The following NTN4 variants were observed in gnomAD, a reference collection of about 807,000 sequenced individuals.
The protein encoded by NTN4 is netrin 4.
In NTN4, 32 loss-of-function variants were observed where a neutral mutation model predicts 73.6. The ratio of observed to expected loss-of-function variants is 0.44; its 90% CI spans 0.33 to 0.58. The LOEUF (loss-of-function observed/expected upper bound fraction) is 0.58. Ranked by LOEUF, NTN4 falls within the 20% of genes least tolerant of loss-of-function variation. The pLI, the probability that NTN4 is intolerant of heterozygous loss-of-function variation, is 0.04. For missense variants in NTN4, 654 were observed against 798.3 expected, an observed-to-expected ratio of 0.82 and a Z score of 2.18; for synonymous variants, 258 against 287.5, an observed-to-expected ratio of 0.90 and a Z score of 1.04.
intron 2 of NTN4, among the ~76,000 whole-genome samples, chr12:95,747,828 A>G (rs539115123): frequency 3.1e-4 from 47 of 152,302 alleles, no homozygotes; most frequent in Middle Eastern, 3.4e-3. Flanking sequence ...CAAAAATTCT[A>G]GGTACATATT....
At position 95,681,121 on chromosome 12, in the gene NTN4, G is replaced by A. The variant is rs528663174; in HGVS notation, c.1510+1586C>T. The stretch of plus-strand genomic sequence containing the variant: ...GGAGAATTGCTTGAACCTGGAAGGC[G>A]GAGGTTGCAGTGAGCCAAGATTGTG... On this transcript the variant is annotated intron_variant, in intron 7 of 9. Coordinates refer to ENST00000343702, the MANE Select transcript of NTN4 (RefSeq NM_021229.4). 5.7e-4 allele frequency among the ~76,000 whole-genome samples: 86 copies of A among 151,200 alleles called. 1 individual carries two copies. The South Asian group carries it at 0.016, about 28-fold the overall frequency.
chr12:95,702,040 G>A (rs1031017745), intron 5 of NTN4, among the ~76,000 whole-genome samples: 2 of 152,106 alleles, frequency 1.3e-5, no homozygotes, highest in African/African-American at 4.8e-5. Flanking sequence ...AGCACTTTGG[G>A]AGGCCGAGGA....
chr12:95,666,872 C>T (rs2078184481), intron 8 of NTN4, among the ~76,000 whole-genome samples: 1 of 152,352 alleles, frequency 6.6e-6, no homozygotes, highest in African/African-American at 2.4e-5. Context: ...AACCTCTTGA[C>T]TTCCCTGGGC....
intron 5 of NTN4, among the ~76,000 whole-genome samples, chr12:95,700,714 A>G (rs917631397): frequency 6.6e-6 from 1 of 151,182 alleles, no homozygotes; most frequent in Admixed American, 6.6e-5. Flanking sequence ...CCCACCACGA[A>G]CCCTGCCGCA....
chr12:95,711,691 C>T (rs1046789490), intron 4 of NTN4, among the ~76,000 whole-genome samples: 1 of 152,172 alleles, frequency 6.6e-6, no homozygotes, highest in South Asian at 2.1e-4. Context: ...TATAACAATT[C>T]TTCAAAGGCA....
intron 2 of NTN4, among the ~76,000 whole-genome samples, chr12:95,748,637 A>C (rs1241732470): frequency 6.6e-6 from 1 of 151,952 alleles, no homozygotes; most frequent in African/African-American, 2.4e-5. Context: ...TGCCCAGCTA[A>C]GTTTTGTATT....
chr12:95,729,688 G>A (rs984149185), intron 3 of NTN4, among the ~76,000 whole-genome samples: 5 of 149,070 alleles, frequency 3.4e-5, no homozygotes, highest in African/African-American at 4.9e-5. Context: ...TTAACCTTAC[G>A]TGTCTTGTCA....
intron 7 of NTN4, among the ~76,000 whole-genome samples, chr12:95,677,844 C>T (rs1011408398): frequency 6.6e-6 from 1 of 152,138 alleles, no homozygotes; most frequent in African/African-American, 2.4e-5. Flanking sequence ...GGGTATACAC[C>T]CAAAGGATTC....
At chr12:95,719,762 A>C (rs2078633006) in intron 3 of NTN4, among the ~76,000 whole-genome samples, 1 of 152,176 alleles carries the variant, frequency 6.6e-6, no homozygotes, top group Admixed American at 6.5e-5. Context: ...AAGAAGTAGA[A>C]GTTCTATGGT....
chr12:95,693,179 A>G (rs1411587756), intron 5 of NTN4, among the ~76,000 whole-genome samples: 1 of 152,192 alleles, frequency 6.6e-6, no homozygotes, highest in East Asian at 1.9e-4. Flanking sequence ...CTCTTGAGTG[A>G]GGGAAGAGAG....
intron 8 of NTN4, 123 bp from the exon 9 acceptor site, chr12:95,666,103 G>T: frequency 1.3e-6 from 1 of 763,318 alleles, no homozygotes. Flanking sequence ...GTGAAAATTT[G>T]CTTTAAAAAT....
At chr12:95,745,579 T>C (rs996106725) in intron 2 of NTN4, among the ~76,000 whole-genome samples, 1 of 152,238 alleles carries the variant, frequency 6.6e-6, no homozygotes. Context: ...AATACAGTGA[T>C]AATAACTGTT....
chr12:95,756,999 A>C (rs1183794137), intron 2 of NTN4, among the ~76,000 whole-genome samples: 1 of 152,134 alleles, frequency 6.6e-6, no homozygotes, highest in Non-Finnish European at 1.5e-5. Context: ...TCTATGTGCT[A>C]CTTCAAGCAC....
chr12:95,679,439 G>A (rs1219234670), intron 7 of NTN4, among the ~76,000 whole-genome samples: 2 of 152,046 alleles, frequency 1.3e-5, no homozygotes, highest in Admixed American at 6.6e-5. Context: ...CGCCATTATC[G>A]ATAACTGCTA....
At chr12:95,710,101 CTACCTTCTACTCACAAGTAGTCT>C (rs1157892726) in intron 5 of NTN4, among the ~76,000 whole-genome samples, 1 of 152,134 alleles carries the variant, frequency 6.6e-6, no homozygotes, top group Non-Finnish European at 1.5e-5. Context: ...CATTTATTGT[CTACCTTCTACTCACAAGTAGTCT>C]TAAGATCTTA....
chr12:95,730,521 C>T (rs778881012), intron 3 of NTN4, among the ~76,000 whole-genome samples: 1 of 152,152 alleles, frequency 6.6e-6, no homozygotes, highest in Non-Finnish European at 1.5e-5. Flanking sequence ...TCCTAATCAT[C>T]AGAAACAGTA....
intron 5 of NTN4, among the ~76,000 whole-genome samples, chr12:95,706,652 G>T (rs554267187): frequency 6.6e-6 from 1 of 152,192 alleles, no homozygotes; most frequent in East Asian, 1.9e-4. Flanking sequence ...CTCAAATCTA[G>T]CCCCAATCAA....
chr12:95,708,920 C>T (rs2078541662), intron 5 of NTN4, among the ~76,000 whole-genome samples: 1 of 152,074 alleles, frequency 6.6e-6, no homozygotes, highest in Non-Finnish European at 1.5e-5. Flanking sequence ...CTGTTTGAAA[C>T]CTATTAAATA....
chr12:95,790,666 AC>A lies in NTN4; in HGVS notation c.-358del, dbSNP rs1193577029. On this transcript the variant is annotated 5_prime_UTR_variant, in exon 1 of 10. Transcript: ENST00000343702. This position sits in a 1 kb window ranked among gnomAD's most constrained non-coding sequence, Gnocchi z 6.5. Reference sequence around the variant, plus strand: ...CGCAGCCGCCGCTGAACTTTGCGAGACCTTTCACTTCCCGGCCGCCGCCGCC... The same window carrying A: ...CGCAGCCGCCGCTGAACTTTGCGAGACTTTCACTTCCCGGCCGCCGCCGCC... 3.4e-5 allele frequency: 6 copies of A among 176,158 alleles called. No individual in the cohort carries two copies. Among genetic ancestry groups the A allele is most frequent in the African/African-American group, 1.4e-4 (6 of 41,858 alleles). 10.9% of individuals were successfully genotyped at this position (176,158 alleles called of 1,614,324 possible).
Sources: gnomAD v4.1 joint callset for allele counts (sites outside exome capture counted in the v4.1 genomes callset) on GRCh38, gnomAD v4.1.1 for gene constraint, Gnocchi (gnomAD v3.1) non-coding constraint, MANE v1.5 for transcripts, NCBI Gene and HGNC (gene_info 2026-07-23, HGNC 2026-07-21) for gene names.